GNG7: variants seen among roughly 807,000 people sequenced by gnomAD.
GNG7 encodes guanine nucleotide-binding protein G(I)/G(S)/G(O) subunit gamma-7.
Under a neutral mutation model 4.0 loss-of-function variants are expected in GNG7, and 1 was observed. The observed-to-expected ratio is 0.25, with a 90% CI of 0.09 to 1.18. GNG7 has a LOEUF of 1.18. Among genes scored for constraint, GNG7 ranks in the 50% most tolerant of loss-of-function variants. The pLI is 0.50. For missense variants in GNG7, 86 were observed against 91.9 expected (o/e 0.94, Z 0.26); for synonymous variants, 34 against 36.9 (o/e 0.92, Z 0.29).
chr19:2,700,565 C>T (rs912652727), intron 1 of GNG7: 4 of 152,250 alleles, frequency 2.6e-5, no homozygotes, highest in African/African-American at 9.7e-5. Context: ...TCATCCCACT[C>T]CTCCATCTCC....
At chr19:2,545,901 G>A (rs1979108475) in intron 3 of GNG7, among the ~76,000 whole-genome samples, 1 of 152,132 alleles carries the variant, frequency 6.6e-6, no homozygotes, top group East Asian at 1.9e-4. Context: ...GTTGCGGTGA[G>A]CCAAAATCGC....
At chr19:2,608,665 G>C (rs997722356) in intron 2 of GNG7, among the ~76,000 whole-genome samples, 20 of 152,206 alleles carry the variant, frequency 1.3e-4, no homozygotes, top group Admixed American at 6.5e-5. Flanking sequence ...TCTCTCTGCA[G>C]CAGGGGATGC....
At chr19:2,622,774 G>A (rs1006322658) in intron 2 of GNG7, among the ~76,000 whole-genome samples, 1 of 147,988 alleles carries the variant, frequency 6.8e-6, no homozygotes, top group Non-Finnish European at 1.5e-5. Context: ...ACGCGGCAGA[G>A]AGGGAGGCTT....
intron 3 of GNG7, among the ~76,000 whole-genome samples, chr19:2,528,217 G>T (rs1351426612): frequency 6.9e-6 from 1 of 144,332 alleles, no homozygotes; most frequent in African/African-American, 2.6e-5. Context: ...GTTGCAGTGA[G>T]CCAAGATCGC....
intron 2 of GNG7, among the ~76,000 whole-genome samples, chr19:2,602,558 G>A (rs570983107): frequency 6.6e-6 from 1 of 152,268 alleles, no homozygotes; most frequent in Non-Finnish European, 1.5e-5. Context: ...AGGCAGATCT[G>A]TGGCCTCGCA....
intron 2 of GNG7, among the ~76,000 whole-genome samples, chr19:2,573,921 C>T (rs374356009): frequency 4.6e-5 from 7 of 152,338 alleles, no homozygotes; most frequent in East Asian, 3.9e-4. Flanking sequence ...TAAATTCTTT[C>T]TGGAAGAGGC....
chr19:2,545,179 G>C (rs12980307), intron 3 of GNG7, among the ~76,000 whole-genome samples: 1 of 151,336 alleles, frequency 6.6e-6, no homozygotes, highest in African/African-American at 2.4e-5. Flanking sequence ...GACCCTGGGC[G>C]CTGTCTGGCG....
At chr19:2,582,819 C>A (rs1468344421) in intron 2 of GNG7, among the ~76,000 whole-genome samples, 1 of 152,012 alleles carries the variant, frequency 6.6e-6, no homozygotes, top group Non-Finnish European at 1.5e-5. Context: ...CAGGTGCAAG[C>A]CACCATGCCC....
At chr19:2,595,741 A>C (rs537495032) in intron 2 of GNG7, among the ~76,000 whole-genome samples, 8 of 152,020 alleles carry the variant, frequency 5.3e-5, no homozygotes, top group African/African-American at 1.9e-4. Context: ...TCTCAAAAAA[A>C]AAAAAAAAGA....
chr19:2,573,342 G>A (rs189349117), intron 2 of GNG7, among the ~76,000 whole-genome samples: 66 of 151,984 alleles, frequency 4.3e-4, no homozygotes, highest in Admixed American at 3.0e-3. Flanking sequence ...TCATGAAATA[G>A]GTATTGAGGG....
intron 1 of GNG7, among the ~76,000 whole-genome samples, chr19:2,652,676 G>T (rs114859957): frequency 6.6e-6 from 1 of 151,976 alleles, no homozygotes. Context: ...GCAGAAGAGC[G>T]GTTAGTGGTA....
chr19:2,644,378 TATAA>T (rs1982608125), intron 2 of GNG7, among the ~76,000 whole-genome samples: 1 of 69,968 alleles, frequency 1.4e-5, no homozygotes. Flanking sequence ...TATATATATA[TATAA>T]TGCTCTATCT....
intron 1 of GNG7, among the ~76,000 whole-genome samples, chr19:2,693,357 A>G (rs1050455518): frequency 1.8e-4 from 27 of 150,570 alleles, no homozygotes; most frequent in African/African-American, 6.6e-4. Context: ...TGGAGGTTGC[A>G]GTGAGCCAAG....
chr19:2,531,599 G>A (rs535889990), intron 3 of GNG7, among the ~76,000 whole-genome samples: 18 of 151,752 alleles, frequency 1.2e-4, no homozygotes, highest in Middle Eastern at 3.4e-3. Flanking sequence ...GTGAAACCCC[G>A]TCTCTACTAA....
intron 4 of GNG7, among the ~76,000 whole-genome samples, chr19:2,517,960 C>T (rs1978291427): frequency 6.6e-6 from 1 of 152,194 alleles, no homozygotes; most frequent in Admixed American, 6.5e-5. Flanking sequence ...ACAGAGTGAG[C>T]CCGCCGGCTG....
intron 2 of GNG7, among the ~76,000 whole-genome samples, chr19:2,599,989 TA>T (rs1981150648): frequency 2.0e-5 from 3 of 151,916 alleles, no homozygotes; most frequent in South Asian, 4.1e-4. Context: ...CTGGATATTC[TA>T]AAAACCACTG....
rs1981747329 is a variant in GNG7, at chr19:2,617,272, T to C, written c.-78+28952A>G. 6.6e-6 allele frequency among the ~76,000 whole-genome samples: 1 copy of C among 152,060 alleles called. No homozygotes were observed. The highest frequency in any genetic ancestry group is 1.5e-5 in the Non-Finnish European group (1 of 68,010). ...CCAGAGTCCCCTGGAGGCAAACCTG[T>C]CCCACTTAAGAACCGCTGGCCTGGA... On this transcript the variant is annotated intron_variant, in intron 2 of 4. Transcript: ENST00000382159. The surrounding 1 kb of genome is among the most constrained non-coding windows in gnomAD (Gnocchi z 4.7).
At chr19:2,656,787 A>G (rs1343411842) in intron 1 of GNG7, among the ~76,000 whole-genome samples, 1 of 152,202 alleles carries the variant, frequency 6.6e-6, no homozygotes, top group Non-Finnish European at 1.5e-5. Context: ...CAGAGAGCAC[A>G]TGGCCTGCAA....
rs1330507156 is a variant in GNG7 at position 2,614,436 on chromosome 19, G to A, written c.-78+31788C>T. On this transcript the variant is annotated intron_variant, in intron 2 of 4. Transcript: ENST00000382159. The surrounding 1 kb of genome is among the most constrained non-coding windows in gnomAD (Gnocchi z 6.0). ...CCAAAAAGACACCCCATCCCTATCA[G>A]CTGTCACTTCCCATCCCCCTCCCCA... Among the ~76,000 whole-genome samples, 1 of 151,996 alleles carries A rather than the reference G, an allele frequency of 6.6e-6. No individual in the cohort carries two copies. Among genetic ancestry groups the A allele is most frequent in the Non-Finnish European group, 1.5e-5 (1 of 67,990 alleles).
Sources: allele counts gnomAD v4.1 joint callset (sites outside exome capture counted in the v4.1 genomes callset), GRCh38; gene constraint gnomAD v4.1.1; non-coding constraint Gnocchi (gnomAD v3.1); transcripts MANE v1.5; gene names NCBI Gene and HGNC (gene_info 2026-07-23, HGNC 2026-07-21).